The following INPP4A variants were observed in gnomAD, a reference collection of about 807,000 sequenced individuals.
INPP4A encodes the protein inositol polyphosphate-4-phosphatase type I A.
Under a neutral mutation model 119.8 loss-of-function variants are expected in INPP4A, and 33 were observed. The observed-to-expected ratio is 0.28, with a 90% confidence interval of 0.21 to 0.37. The LOEUF is 0.37. INPP4A is among the 10% of genes least tolerant of loss of function. The pLI, the probability that INPP4A is intolerant of heterozygous loss-of-function variation, is 1.00. For synonymous variants in INPP4A, 496 were observed against 500.7 expected, an observed-to-expected ratio of 0.99 and a Z score of 0.12; for missense variants, 956 against 1,289.9, an observed-to-expected ratio of 0.74 and a Z score of 3.97.
intron 13 of INPP4A, chr2:98,549,086 C>T (rs1254889713): frequency 1.2e-6 from 1 of 853,196 alleles, no homozygotes; most frequent in Non-Finnish European, 1.9e-6. Context: ...GCCATGGTTC[C>T]TAGTTATACA....
At chr2:98,522,775 A>G (rs992442888) in intron 4 of INPP4A, among the ~76,000 whole-genome samples, 2 of 152,176 alleles carry the variant, frequency 1.3e-5, no homozygotes. Context: ...AGAAAGAAAA[A>G]AAAAAACAGG....
At chr2:98,470,955 C>T (rs942334989) in intron 1 of INPP4A, among the ~76,000 whole-genome samples, 3 of 152,166 alleles carry the variant, frequency 2.0e-5, no homozygotes, top group African/African-American at 2.4e-5. Flanking sequence ...CGTGAGCCAC[C>T]GCACCCAGCC....
chr2:98,586,005 A>T lies in INPP4A; in HGVS notation c.2787-1471A>T, dbSNP rs148588605. ...AAAGATTAAAGGAGATTAACTGTGT[A>T]TAGGAACCTATAGCTTCTGCTTTAA... On this transcript the variant is annotated intron_variant, in intron 24 of 24. Coordinates refer to ENST00000409851, the MANE Select transcript of INPP4A (RefSeq NM_001134225.2). Among the ~76,000 whole-genome samples the T allele has an allele frequency of 6.5e-3, 995 of 152,364 alleles. 18 individuals are homozygous for T. The highest frequency in any genetic ancestry group is 0.022 in the African/African-American group (932 of 41,590).
At position 98,588,636 on chromosome 2, in the gene INPP4A, A is replaced by G. The variant is rs1159003627; in HGVS notation, c.*1028A>G. 2.7e-5 allele frequency: 6 copies of G among 223,826 alleles called. No homozygotes were observed. Among genetic ancestry groups the G allele is most frequent in the East Asian group, 6.5e-5 (1 of 15,314 alleles). 13.9% of individuals were successfully genotyped at this position (223,826 alleles called of 1,614,324 possible). Reference sequence around the variant, plus strand: ...ATTCTCATTCTTATGTAAGATGACTATTGAGAAACAGTTGAAATTTATTCT... The same window carrying G: ...ATTCTCATTCTTATGTAAGATGACTGTTGAGAAACAGTTGAAATTTATTCT... On this transcript the variant is annotated 3_prime_UTR_variant, in exon 25 of 25. Coordinates refer to ENST00000409851, the MANE Select transcript of INPP4A (RefSeq NM_001134225.2).
chr2:98,573,172 G>A (rs138462483), intron 23 of INPP4A, among the ~76,000 whole-genome samples: 1 of 152,164 alleles, frequency 6.6e-6, no homozygotes, highest in South Asian at 2.1e-4. Context: ...TACTAGCCAG[G>A]CTGATGACAG....
Position 98,554,528 on chromosome 2 carries a change from T to G in INPP4A, c.1566+39T>G. The G allele has an allele frequency of 6.3e-7, 1 of 1,576,164 alleles. No homozygotes were observed. Among genetic ancestry groups the G allele is most frequent in the Non-Finnish European group, 8.7e-7 (1 of 1,154,134 alleles). The stretch of plus-strand genomic sequence containing the variant: ...TGTGGCTGTCATCCCACTGCTGAAC[T>G]TGGGCTGAAAACCACAAAACCTGTT... On this transcript the variant is annotated intron_variant, in intron 15 of 24. Transcript: ENST00000409851. The surrounding 1 kb of genome is among the most constrained non-coding windows in gnomAD (Gnocchi z 4.7).
chr2:98,564,369 C>T (rs1324056040), intron 18 of INPP4A, among the ~76,000 whole-genome samples: 2 of 152,174 alleles, frequency 1.3e-5, no homozygotes, highest in Admixed American at 6.5e-5. Flanking sequence ...AAGTTCCAGC[C>T]TAGGAATAAA....
intron 1 of INPP4A, among the ~76,000 whole-genome samples, chr2:98,452,650 C>G (rs1695433627): frequency 6.6e-6 from 1 of 152,202 alleles, no homozygotes; most frequent in Non-Finnish European, 1.5e-5. Flanking sequence ...CCCCTGCCCC[C>G]CATTCGCCAG....
chr2:98,549,013 C>A, intron 13 of INPP4A: 1 of 1,595,808 alleles, frequency 6.3e-7, no homozygotes, highest in Non-Finnish European at 8.6e-7. Context: ...TGGGTCTCGT[C>A]CTCATGCAGA....
Position 98,546,734 on chromosome 2 carries a change from T to G in INPP4A, c.1163+40T>G. 1 of 1,163,068 alleles carries G rather than the reference T, an allele frequency of 8.6e-7. No individual in the cohort carries two copies. The highest frequency in any genetic ancestry group is 2.3e-5 in the East Asian group (1 of 42,684). The allele number at this position is 1,163,068 out of a possible 1,614,324, so 72.0% of individuals were successfully genotyped here. On this transcript the variant is annotated intron_variant, in intron 13 of 24. Transcript: ENST00000409851. This position sits in a 1 kb window ranked among gnomAD's most constrained non-coding sequence, Gnocchi z 4.2. The stretch of plus-strand genomic sequence containing the variant: ...AGGGTTTGTGGTCCTTGTACAGCTT[T>G]CTGATGCTTCTTTTCTCAGTTTAAA...
At chr2:98,565,081 C>T (rs1210282760) in intron 19 of INPP4A, among the ~76,000 whole-genome samples, 1 of 152,228 alleles carries the variant, frequency 6.6e-6, no homozygotes, top group Non-Finnish European at 1.5e-5. Flanking sequence ...TACTGAATGA[C>T]TGGAAGGAGA....
chr2:98,483,042 G>A (rs1678796180), intron 1 of INPP4A, among the ~76,000 whole-genome samples: 1 of 152,172 alleles, frequency 6.6e-6, no homozygotes, highest in African/African-American at 2.4e-5. Flanking sequence ...CTGGTGTCAA[G>A]TATTTCAGAT....
At chr2:98,565,248 A>T (rs1696216188) in intron 19 of INPP4A, among the ~76,000 whole-genome samples, 1 of 152,258 alleles carries the variant, frequency 6.6e-6, no homozygotes. Context: ...GAGGACATCG[A>T]ATAGATATCA....
rs769499855 is a variant in INPP4A at position 98,592,529 on chromosome 2, A to G, written c.*4921A>G. ...TATTTCCAAAAGTAGGAAGTAATCA[A>G]ATTTACAGTGGATAAAATCCAGTAT... On this transcript the variant is annotated 3_prime_UTR_variant, in exon 25 of 25. Coordinates refer to ENST00000409851, the MANE Select transcript of INPP4A (RefSeq NM_001134225.2). 10 of 152,344 alleles carry G rather than the reference A, an allele frequency of 6.6e-5. No individual in the cohort carries two copies. Among genetic ancestry groups the G allele is most frequent in the Admixed American group, 2.6e-4 (4 of 15,308 alleles). The allele number at this position is 152,344 out of a possible 1,614,324, so 9.4% of individuals were successfully genotyped here.
chr2:98,448,914 A>G (rs1694751958), intron 1 of INPP4A, among the ~76,000 whole-genome samples: 1 of 152,090 alleles, frequency 6.6e-6, no homozygotes, highest in Non-Finnish European at 1.5e-5. Flanking sequence ...TGTGTTGCCC[A>G]GGCTGGTCTC....
chr2:98,578,669 GA>G (rs1295139913), intron 24 of INPP4A, among the ~76,000 whole-genome samples: 1 of 152,228 alleles, frequency 6.6e-6, no homozygotes, highest in Non-Finnish European at 1.5e-5. Flanking sequence ...GTGTGCTCAG[GA>G]CAGCCGTTAC....
intron 1 of INPP4A, among the ~76,000 whole-genome samples, chr2:98,463,332 C>A (rs1308850277): frequency 6.6e-6 from 1 of 152,240 alleles, no homozygotes; most frequent in African/African-American, 2.4e-5. Flanking sequence ...CAGGAACACA[C>A]AGTGCTTGTG....
chr2:98,502,132 A>G lies in INPP4A; in HGVS notation c.-165-16832A>G, dbSNP rs1363690350. On this transcript the variant is annotated intron_variant, in intron 1 of 24. Transcript: ENST00000409851. ...CACGGAACCCTGGTTATGGGGCCAG[A>G]TGATAGTCCTGAGGGCATTAGGTGA... 2.0e-5 allele frequency among the ~76,000 whole-genome samples: 3 copies of G among 152,198 alleles called. No homozygotes were observed. The East Asian group carries it at 5.8e-4, about 29-fold the overall frequency.
At position 98,555,708 on chromosome 2, in the gene INPP4A, C is replaced by T. The variant is rs777938081; in HGVS notation, c.1722C>T (p.His574=). 13 of 1,612,736 alleles carry T rather than the reference C, an allele frequency of 8.1e-6. No homozygotes were observed. Among genetic ancestry groups the T allele is most frequent in the Middle Eastern group, 1.6e-4 (1 of 6,080 alleles). The part of the protein sequence containing the change: ...CTSKKGNPDS[H]AYWIRPEDPF... ...GCAAGAAAGGTAACCCGGACAGCCA[C>T]GCCTACTGGATCAGACCAGAAGACC... The change falls in exon 16 of 25, where the codon CAC becomes CAT. Residue 574 remains histidine, a synonymous_variant. Coordinates refer to ENST00000409851, the MANE Select transcript of INPP4A (RefSeq NM_001134225.2).
Sources: gnomAD v4.1 joint callset for allele counts (sites outside exome capture counted in the v4.1 genomes callset) on GRCh38, gnomAD v4.1.1 for gene constraint, Gnocchi (gnomAD v3.1) non-coding constraint, MANE v1.5 for transcripts, NCBI Gene and HGNC (gene_info 2026-07-23, HGNC 2026-07-21) for gene names.